Variants in EBF2 observed in about 807,000 individuals in gnomAD.
EBF2 encodes EBF transcription factor 2, also known as transcription factor COE2.
In EBF2, 21 loss-of-function variants were observed where a neutral mutation model predicts 72.8. The ratio of observed to expected loss-of-function variants is 0.29; its 90% confidence interval spans 0.20 to 0.42. EBF2 has a LOEUF of 0.42. Ranked by LOEUF, EBF2 falls within the 10% of genes least tolerant of loss-of-function variation. The pLI is 1.00. For missense variants in EBF2, 637 were observed against 731.2 expected (o/e 0.87, Z 1.49); for synonymous variants, 299 against 274.2 (o/e 1.09, Z -0.89).
At chr8:25,988,932 C>T (rs551533858) in intron 6 of EBF2, among the ~76,000 whole-genome samples, 38 of 152,296 alleles carry the variant, frequency 2.5e-4, no homozygotes, top group African/African-American at 8.9e-4. Context: ...AAGACTAATA[C>T]ACAAAAACTA....
rs189560419 is a variant in EBF2, at chr8:25,889,852, C to T, written c.651G>A (p.Thr217=). The change falls in exon 8 of 16, where the codon ACG becomes ACA. Residue 217 remains threonine, a synonymous_variant. Coordinates refer to ENST00000520164, the MANE Select transcript of EBF2 (RefSeq NM_022659.4). ...MRRFQVVLST[T]VNVDGHVLAV... ...CCAGGACGTGTCCATCCACATTCAC[C>T]GTTGTTGACAACACAACCTGCATAT... 3.1e-5 allele frequency: 50 copies of T among 1,613,820 alleles called. 2 individuals carry two copies. The highest frequency in any genetic ancestry group is 1.3e-4 in the South Asian group (12 of 91,074).
intron 6 of EBF2, among the ~76,000 whole-genome samples, chr8:25,961,557 T>G (rs1381288324): frequency 2.0e-5 from 3 of 152,122 alleles, no homozygotes; most frequent in Non-Finnish European, 2.9e-5. Context: ...GGGATAGCGT[T>G]TCACCATCTT....
chr8:25,921,892 C>T (rs1470629026), intron 6 of EBF2, among the ~76,000 whole-genome samples: 7 of 152,158 alleles, frequency 4.6e-5, no homozygotes, highest in Admixed American at 2.6e-4. Flanking sequence ...CAGGCGCAGC[C>T]CCTGGGCACT....
At chr8:25,971,268 G>A (rs1431680980) in intron 6 of EBF2, among the ~76,000 whole-genome samples, 1 of 152,174 alleles carries the variant, frequency 6.6e-6, no homozygotes. Flanking sequence ...TTGGCAGCGT[G>A]TCCAGAAAGA....
chr8:26,029,525 G>T (rs911265018), intron 6 of EBF2, among the ~76,000 whole-genome samples: 2 of 152,212 alleles, frequency 1.3e-5, no homozygotes, highest in Admixed American at 1.3e-4. Flanking sequence ...CCTTGGTGGT[G>T]AAAAGTTGGG....
At chr8:25,850,901 G>A (rs1234149347) in intron 14 of EBF2, 140 bp from the exon 15 acceptor site, 2 of 886,380 alleles carry the variant, frequency 2.3e-6, no homozygotes, top group South Asian at 2.0e-5. Flanking sequence ...AGTTGAATGT[G>A]ACAACATTCC....
chr8:25,863,899 A>G (rs1275767707), intron 10 of EBF2, among the ~76,000 whole-genome samples: 1 of 152,162 alleles, frequency 6.6e-6, no homozygotes, highest in Non-Finnish European at 1.5e-5. Context: ...CTGTTACATA[A>G]CCTACTTTTC....
intron 5 of EBF2, 123 bp from the exon 6 acceptor site, chr8:26,033,276 C>G: frequency 1.1e-6 from 1 of 902,808 alleles, no homozygotes; most frequent in African/African-American, 1.6e-5. Context: ...GGCTGTAGTA[C>G]AATGGCTTGA....
chr8:25,859,721 C>CTTTTTTTTTTT (rs202200790), intron 13 of EBF2, among the ~76,000 whole-genome samples: 1 of 142,962 alleles, frequency 7.0e-6, no homozygotes, highest in Admixed American at 7.1e-5. Flanking sequence ...CCTGTCTAGT[C>CTTTTTTTTTTT]TTTTTTTTTT....
chr8:25,944,008 G>A (rs186384112), intron 6 of EBF2, among the ~76,000 whole-genome samples: 131 of 152,206 alleles, frequency 8.6e-4, no homozygotes, highest in African/African-American at 3.0e-3. Flanking sequence ...AACCATCCCC[G>A]GAAATGGGCT....
chr8:25,957,212 T>A (rs1185449898), intron 6 of EBF2, among the ~76,000 whole-genome samples: 1 of 152,170 alleles, frequency 6.6e-6, no homozygotes, highest in Admixed American at 6.5e-5. Flanking sequence ...CAAGAGCAAA[T>A]CTTTCTTTCC....
intron 6 of EBF2, among the ~76,000 whole-genome samples, chr8:25,982,010 TAA>T (rs986752882): frequency 2.0e-5 from 3 of 152,130 alleles, no homozygotes; most frequent in African/African-American, 7.2e-5. Flanking sequence ...GCTCGTGGAC[TAA>T]GTTTTACAAA....
rs1429694544 is a variant in EBF2, at chr8:26,007,347, T to C, written c.551+25738A>G. Among the ~76,000 whole-genome samples the C allele has an allele frequency of 2.0e-5, 3 of 152,278 alleles. No homozygotes were observed. In the East Asian group the frequency reaches 5.8e-4, roughly 29 times the overall value. On this transcript the variant is annotated intron_variant, in intron 6 of 15. Transcript: ENST00000520164. ...TGTGGCCTCTGACATTCTCCATTCA[T>C]GAAACGTGAATCACTTTGGTATCGG...
intron 6 of EBF2, among the ~76,000 whole-genome samples, chr8:26,021,455 C>A (rs769877729): frequency 6.6e-6 from 1 of 152,200 alleles, no homozygotes; most frequent in African/African-American, 2.4e-5. Flanking sequence ...TATGGCCACA[C>A]AACATCTCTC....
chr8:25,849,681 A>AT (rs1341384762), intron 15 of EBF2, among the ~76,000 whole-genome samples: 2 of 151,794 alleles, frequency 1.3e-5, no homozygotes, highest in Non-Finnish European at 2.9e-5. Context: ...CAATGAGATG[A>AT]TTTTTCATAT....
chr8:25,854,239 A>G (rs529316301), intron 14 of EBF2, among the ~76,000 whole-genome samples: 364 of 29,928 alleles, frequency 0.012, 1 homozygote, highest in African/African-American at 0.021. Flanking sequence ...CCCCACCTCC[A>G]AAAAAAAAAA....
intron 6 of EBF2, among the ~76,000 whole-genome samples, chr8:26,030,960 A>G (rs1171050166): frequency 6.6e-6 from 1 of 152,234 alleles, no homozygotes; most frequent in Non-Finnish European, 1.5e-5. Flanking sequence ...CATAGGAAGA[A>G]AACATGAGCA....
chr8:26,005,198 G>A (rs1804819643), intron 6 of EBF2, among the ~76,000 whole-genome samples: 1 of 111,080 alleles, frequency 9.0e-6, no homozygotes, highest in African/African-American at 3.5e-5. Context: ...GAAGAGCTGG[G>A]AGATGGAGAT....
intron 6 of EBF2, among the ~76,000 whole-genome samples, chr8:26,022,797 G>A (rs551000497): frequency 6.6e-6 from 1 of 152,242 alleles, no homozygotes; most frequent in East Asian, 1.9e-4. Flanking sequence ...TCATCAATGA[G>A]CCAGTCTAGA....
Sources: gnomAD v4.1 joint callset for allele counts (sites outside exome capture counted in the v4.1 genomes callset) on GRCh38, gnomAD v4.1.1 for gene constraint, MANE v1.5 for transcripts, NCBI Gene and HGNC (gene_info 2026-07-23, HGNC 2026-07-21) for gene names.